MYO1H: variants seen among roughly 807,000 people sequenced by gnomAD.
MYO1H encodes myosin IH.
A neutral mutation model predicts 149.3 loss-of-function variants in MYO1H; 118 were observed. The ratio of observed to expected loss-of-function variants is 0.79; its 90% CI spans 0.68 to 0.92. The LOEUF (loss-of-function observed/expected upper bound fraction) is 0.92, where lower values mean the gene tolerates loss of function less well. MYO1H is among the 40% of genes least tolerant of loss of function. The pLI is 0.00. For synonymous variants in MYO1H, 447 were observed against 465.2 expected (o/e 0.96, Z 0.50); for missense variants, 1,212 against 1,280.7 (o/e 0.95, Z 0.82).
intron 14 of MYO1H, among the ~76,000 whole-genome samples, chr12:109,414,759 G>A (rs1024296706): frequency 2.0e-5 from 3 of 152,098 alleles, no homozygotes; most frequent in African/African-American, 7.2e-5. Flanking sequence ...ACAGGCTGGA[G>A]TCTAGTGGTA....
chr12:109,371,954 G>A (rs1868991959), intron 1 of MYO1H, among the ~76,000 whole-genome samples: 1 of 152,146 alleles, frequency 6.6e-6, no homozygotes, highest in Non-Finnish European at 1.5e-5. Flanking sequence ...TGTATTTTCT[G>A]TGAATTGTTG....
At chr12:109,393,217 C>T (rs1869734179) in intron 2 of MYO1H, 114 bp from the exon 3 acceptor site, 6 of 689,290 alleles carry the variant, frequency 8.7e-6, no homozygotes, top group South Asian at 3.4e-5. Context: ...GCAGAGACCC[C>T]GCCTGATTTA....
the MYO1H span, among the ~76,000 whole-genome samples, chr12:109,342,080 C>T: frequency 2.0e-5 from 3 of 150,462 alleles, no homozygotes; most frequent in East Asian, 1.9e-4. Flanking sequence ...TCAGTAAAAT[C>T]AGTATGTTTT....
At chr12:109,441,930 C>T (rs1474403584) in intron 26 of MYO1H, among the ~76,000 whole-genome samples, 2 of 152,062 alleles carry the variant, frequency 1.3e-5, no homozygotes, top group African/African-American at 4.8e-5. Context: ...ACCTGTAGTC[C>T]CAACTACTCG....
chr12:109,444,269 G>T (rs1271394254), exon 29 of MYO1H: 1 of 1,613,796 alleles, frequency 6.2e-7, no homozygotes, highest in Non-Finnish European at 8.5e-7. Context: ...TTCACCAGAG[G>T]ACAGCAAGCA....
At chr12:109,413,684 T>C (rs904276517) in intron 14 of MYO1H, among the ~76,000 whole-genome samples, 3 of 152,104 alleles carry the variant, frequency 2.0e-5, no homozygotes, top group Non-Finnish European at 4.4e-5. Flanking sequence ...CCGAGGCAGC[T>C]GGATCACCTG....
At chr12:109,389,193 T>C (rs1318256899) in intron 2 of MYO1H, among the ~76,000 whole-genome samples, 3 of 152,224 alleles carry the variant, frequency 2.0e-5, no homozygotes, top group Admixed American at 6.5e-5. Context: ...GGCAGCAAGA[T>C]GGCTGCCCTC....
At chr12:109,433,076 C>A in intron 20 of MYO1H, 66 bp downstream of exon 20, 1 of 1,319,682 alleles carries the variant, frequency 7.6e-7, no homozygotes, top group Non-Finnish European at 1.1e-6. Flanking sequence ...TGCATTGATC[C>A]GTATCCATCT....
At chr12:109,429,418 A>T (rs181519975) in intron 19 of MYO1H, among the ~76,000 whole-genome samples, 64 of 152,352 alleles carry the variant, frequency 4.2e-4, no homozygotes, top group African/African-American at 1.4e-3. Context: ...AAATGCTTTT[A>T]AAAATACAAT....
At chr12:109,314,200 CT>C in the MYO1H span, among the ~76,000 whole-genome samples, 1 of 147,926 alleles carries the variant, frequency 6.8e-6, no homozygotes, top group African/African-American at 2.5e-5. Context: ...TACTTTTTTT[CT>C]TTTTTCTTTG....
At chr12:109,433,953 T>A (rs73194244) in intron 20 of MYO1H, among the ~76,000 whole-genome samples, 15,986 of 152,076 alleles carry the variant, frequency 0.11, 1,149 homozygotes, top group African/African-American at 0.2. Context: ...AGGCCTGGGG[T>A]CGGGCAGGCA....
At chr12:109,372,992 A>G (rs1050106281) in intron 1 of MYO1H, among the ~76,000 whole-genome samples, 2 of 152,078 alleles carry the variant, frequency 1.3e-5, no homozygotes, top group African/African-American at 2.4e-5. Flanking sequence ...AACTTATTCT[A>G]TATTTTATCT....
At chr12:109,362,992 G>A (rs1439948917) in intron 1 of MYO1H, among the ~76,000 whole-genome samples, 6 of 152,180 alleles carry the variant, frequency 3.9e-5, no homozygotes, top group Admixed American at 3.9e-4. Context: ...CTCGTTCATA[G>A]CACACAACTG....
At chr12:109,362,734 A>T (rs990342037) in intron 1 of MYO1H, among the ~76,000 whole-genome samples, 2 of 152,192 alleles carry the variant, frequency 1.3e-5, no homozygotes, top group African/African-American at 4.8e-5. Context: ...TCTTGTATGT[A>T]TACTAATACA....
intron 5 of MYO1H, among the ~76,000 whole-genome samples, chr12:109,400,816 A>T (rs1296461408): frequency 6.6e-6 from 1 of 152,212 alleles, no homozygotes; most frequent in Non-Finnish European, 1.5e-5. Context: ...CTCTGCATAT[A>T]CAAAAATTAA....
intron 24 of MYO1H, chr12:109,440,535 T>C: frequency 1.9e-6 from 1 of 539,594 alleles, no homozygotes; most frequent in Non-Finnish European, 3.3e-6. Flanking sequence ...GTCATAAACA[T>C]ATTCAAGTTT....
chr12:109,420,070 T>C (rs1871108722), intron 15 of MYO1H, among the ~76,000 whole-genome samples: 1 of 152,138 alleles, frequency 6.6e-6, no homozygotes, highest in Non-Finnish European at 1.5e-5. Context: ...TCGTGGGGAA[T>C]TTTCTCATCT....
intron 23 of MYO1H, 156 bp from the exon 24 acceptor site, chr12:109,439,475 C>G (rs150355977): frequency 1.6e-5 from 5 of 313,266 alleles, no homozygotes; most frequent in Admixed American, 1.1e-4. Context: ...TGGGTGAAAT[C>G]GAACATATAT....
intron 20 of MYO1H, 118 bp downstream of exon 20, chr12:109,433,128 C>T (rs770994959): frequency 3.7e-6 from 3 of 803,200 alleles, no homozygotes; most frequent in Middle Eastern, 2.4e-4. Flanking sequence ...TGGAGATTTG[C>T]GAGATTTATG....
Sources: gnomAD v4.1 joint callset for allele counts (sites outside exome capture counted in the v4.1 genomes callset) on GRCh38, gnomAD v4.1.1 for gene constraint, MANE v1.5 for transcripts, NCBI Gene and HGNC (gene_info 2026-07-23, HGNC 2026-07-21) for gene names.